The following STK33 variants were observed in gnomAD, a reference collection of about 807,000 sequenced individuals.
The protein encoded by STK33 is serine/threonine kinase 33, also known as serine/threonine-protein kinase 33.
Under a neutral mutation model 58.0 loss-of-function variants are expected in STK33, and 52 were observed. That is an observed-to-expected ratio of 0.90 (90% CI 0.72 to 1.13). The LOEUF is 1.13. STK33 is among the 50% of genes most tolerant of loss of function. The pLI, the probability that STK33 is intolerant of heterozygous loss-of-function variation, is 0.00. For missense variants in STK33, 630 were observed against 604.2 expected (o/e 1.04, Z -0.45); for synonymous variants, 215 against 200.1 (o/e 1.07, Z -0.63).
the STK33 span, among the ~76,000 whole-genome samples, chr11:8,349,197 G>A: frequency 6.6e-6 from 1 of 152,190 alleles, no homozygotes; most frequent in African/African-American, 2.4e-5. Flanking sequence ...CCTGTAAACT[G>A]GGGGCAGTAA....
intron 2 of STK33, among the ~76,000 whole-genome samples, chr11:8,479,324 T>G (rs1949584985): frequency 6.6e-6 from 1 of 151,100 alleles, no homozygotes; most frequent in Non-Finnish European, 1.5e-5. Flanking sequence ...TCCCGGCTAC[T>G]AGGGAGGCTG....
chr11:8,578,944 G>C (rs1473988018), intron 1 of STK33, among the ~76,000 whole-genome samples: 3 of 151,960 alleles, frequency 2.0e-5, no homozygotes, highest in Non-Finnish European at 4.4e-5. Context: ...GTTACTGTGA[G>C]AATGAAAAAC....
chr11:8,384,211 AT>A, the STK33 span, among the ~76,000 whole-genome samples: 1 of 152,210 alleles, frequency 6.6e-6, no homozygotes, highest in African/African-American at 2.4e-5. Context: ...CTGTTTTATT[AT>A]TATAACCAAG....
chr11:8,411,206 C>T (rs576923100), intron 15 of STK33, among the ~76,000 whole-genome samples: 2 of 152,316 alleles, frequency 1.3e-5, no homozygotes, highest in East Asian at 1.9e-4. Context: ...TAGATGTCCT[C>T]GGCATGTGAG....
chr11:8,450,041 T>A (rs1946078154), intron 11 of STK33, among the ~76,000 whole-genome samples: 2 of 152,112 alleles, frequency 1.3e-5, no homozygotes, highest in South Asian at 4.1e-4. Context: ...GACCCAGCAA[T>A]CCATTACTGC....
At chr11:8,374,210 C>G in the STK33 span, among the ~76,000 whole-genome samples, 2 of 152,196 alleles carry the variant, frequency 1.3e-5, no homozygotes, top group African/African-American at 4.8e-5. Flanking sequence ...TCACCTGCCC[C>G]AGGGTCCACA....
chr11:8,390,624 A>C (rs373740246), downstream of STK33, among the ~76,000 whole-genome samples: 10 of 152,358 alleles, frequency 6.6e-5, no homozygotes, highest in South Asian at 1.0e-3. Flanking sequence ...ATTTCTATTA[A>C]AATGACTCCT....
Position 8,508,538 on chromosome 11 carries a change from T to C in STK33, c.-465-27924A>G, listed in dbSNP as rs181645027. On this transcript the variant is annotated intron_variant, in intron 1 of 15. Coordinates refer to ENST00000687296, the MANE Select transcript of STK33 (RefSeq NM_001352389.2). ...CCTCCCACCTTGGCCTCCCAAAGCA[T>C]TGGATTATAGGCATGAGCTATTGTG... Among the ~76,000 whole-genome samples the C allele has an allele frequency of 2.1e-4, 32 of 152,242 alleles. No individual in the cohort carries two copies. The East Asian group carries it at 3.7e-3, about 17-fold the overall frequency.
intron 1 of STK33, among the ~76,000 whole-genome samples, chr11:8,493,525 G>A (rs1950809148): frequency 6.6e-6 from 1 of 152,162 alleles, no homozygotes; most frequent in African/African-American, 2.4e-5. Context: ...GGTATGAACA[G>A]GAGCTGGTAC....
intron 11 of STK33, among the ~76,000 whole-genome samples, chr11:8,452,364 A>G (rs1565031253): frequency 2.0e-5 from 3 of 152,222 alleles, no homozygotes; most frequent in Admixed American, 2.0e-4. Flanking sequence ...TAGGAACTGT[A>G]AGTAAAATAC....
Position 8,398,454 on chromosome 11 carries a change from G to A in STK33, c.1345-5744C>T, listed in dbSNP as rs190367625. ...CCAGGCCTGCCCTAAAAGAGCTCCCGAAGGAAGCACTAAACATGGAAAGGA... is the reference window on the plus strand; with the variant it reads ...CCAGGCCTGCCCTAAAAGAGCTCCCAAAGGAAGCACTAAACATGGAAAGGA... On this transcript the variant is annotated intron_variant, in intron 15 of 15. Coordinates refer to ENST00000687296, the MANE Select transcript of STK33 (RefSeq NM_001352389.2). Among the ~76,000 whole-genome samples, 110 of 152,224 alleles carry A rather than the reference G, an allele frequency of 7.2e-4. 2 individuals carry two copies. The East Asian group carries it at 0.017, about 23-fold the overall frequency.
the STK33 span, among the ~76,000 whole-genome samples, chr11:8,335,566 T>C: frequency 6.6e-6 from 1 of 152,158 alleles, no homozygotes; most frequent in East Asian, 1.9e-4. Context: ...TCATGTCCAC[T>C]CTCTCATAAC....
In STK33 at chr11:8,457,335, T is replaced by A. The variant is rs1360252410; in HGVS notation, c.697+6A>T. ...GGGTCAATGAGCTGGATAACCCTCT[T>A]CTTACCATTATTGTGAAGATATGCT... is the stretch of plus-strand genomic sequence containing the variant. On this transcript the variant is annotated splice_donor_region_variant and intron_variant, in intron 9 of 15. Coordinates refer to ENST00000687296, the MANE Select transcript of STK33 (RefSeq NM_001352389.2). The A allele has an allele frequency of 1.9e-6, 3 of 1,559,838 alleles. No homozygotes were observed. The highest frequency in any genetic ancestry group is 2.6e-6 in the Non-Finnish European group (3 of 1,142,360).
At chr11:8,362,988 G>A in the STK33 span, among the ~76,000 whole-genome samples, 1 of 152,094 alleles carries the variant, frequency 6.6e-6, no homozygotes, top group Non-Finnish European at 1.5e-5. Context: ...GTCACGCACT[G>A]CACACCTGAA....
chr11:8,350,923 G>A, the STK33 span, among the ~76,000 whole-genome samples: 10 of 152,082 alleles, frequency 6.6e-5, no homozygotes, highest in Non-Finnish European at 1.0e-4. Context: ...TGCAGAAAAC[G>A]GTTGGGATAG....
At chr11:8,476,880 G>A (rs993687235) in intron 3 of STK33, 129 bp from the exon 4 acceptor site, 1 of 152,138 alleles carries the variant, frequency 6.6e-6, no homozygotes, top group Non-Finnish European at 1.5e-5. Context: ...GGGATTTACA[G>A]GTCAGTCTCA....
chr11:8,371,639 TCTTC>T, the STK33 span, among the ~76,000 whole-genome samples: 2 of 32,242 alleles, frequency 6.2e-5, no homozygotes, highest in Non-Finnish European at 1.3e-4. Context: ...CTTCCTTCTT[TCTTC>T]CTTTCTTTTC....
chr11:8,393,533 G>A (rs1161459048), intron 15 of STK33, among the ~76,000 whole-genome samples: 1 of 152,160 alleles, frequency 6.6e-6, no homozygotes, highest in Non-Finnish European at 1.5e-5. Context: ...TAAAAGAGTA[G>A]AGATTGTCTC....
At chr11:8,396,820 G>A (rs1038616658) in intron 15 of STK33, among the ~76,000 whole-genome samples, 4 of 152,298 alleles carry the variant, frequency 2.6e-5, no homozygotes, top group African/African-American at 7.2e-5. Flanking sequence ...ATTATATCCC[G>A]TGCCTGGCTC....
Sources: allele counts gnomAD v4.1 joint callset (sites outside exome capture counted in the v4.1 genomes callset), GRCh38; gene constraint gnomAD v4.1.1; transcripts MANE v1.5; gene names NCBI Gene and HGNC (gene_info 2026-07-23, HGNC 2026-07-21).